GRIP1: variants seen among roughly 807,000 people sequenced by gnomAD.
GRIP1 encodes the protein glutamate receptor-interacting protein 1.
In GRIP1, 45 loss-of-function variants were observed where a neutral mutation model predicts 129.9. The observed-to-expected ratio is 0.35, with a 90% CI of 0.27 to 0.44. GRIP1 has a LOEUF of 0.44. GRIP1 is among the 20% of genes least tolerant of loss of function. The pLI is 1.00. For synonymous variants in GRIP1, 530 were observed against 520.8 expected (o/e 1.02, Z -0.24); for missense variants, 1,196 against 1,396.8 (o/e 0.86, Z 2.29).
At chr12:66,932,648 T>A (rs981681200) in intron 1 of GRIP1, among the ~76,000 whole-genome samples, 1 of 151,888 alleles carries the variant, frequency 6.6e-6, no homozygotes, top group Admixed American at 6.6e-5. Context: ...GGAAAGACTA[T>A]AGATTATCAA....
intron 1 of GRIP1, among the ~76,000 whole-genome samples, chr12:66,814,520 T>C (rs975047111): frequency 1.3e-5 from 2 of 151,794 alleles, no homozygotes; most frequent in Non-Finnish European, 2.9e-5. Flanking sequence ...TTTGTCCCTT[T>C]ATTAATTCAA....
At chr12:66,407,376 C>T (rs1372777618) in intron 15 of GRIP1, 1 of 152,126 alleles carries the variant, frequency 6.6e-6, no homozygotes, top group African/African-American at 2.4e-5. Flanking sequence ...TTATAAGAAC[C>T]AAAAATCAGA....
At chr12:66,808,595 G>A (rs1401513064), upstream of GRIP1, among the ~76,000 whole-genome samples, 1 of 147,472 alleles carries the variant, frequency 6.8e-6, no homozygotes, top group African/African-American at 2.6e-5. Flanking sequence ...CTGTTTTTCT[G>A]TTTTGTTTTG....
At chr12:66,444,537 C>T (rs756222281) in intron 13 of GRIP1, 47 bp downstream of exon 13, 2 of 1,270,202 alleles carry the variant, frequency 1.6e-6, no homozygotes, top group South Asian at 1.2e-5. Flanking sequence ...TGCCACATAA[C>T]CAATATAACT....
Position 66,946,558 on chromosome 12 carries a change from C to CTCAAATTT in GRIP1, c.58+122484_58+122491dup, listed in dbSNP as rs1446722766. ...CTTCATATACTTTAATATAGTTATT[C>CTCAAATTT]TCAAATTTTAGCTAGCATCAGAATG... On this transcript the variant is annotated intron_variant, in intron 1 of 1. Transcript: ENST00000643019. Among the ~76,000 whole-genome samples the CTCAAATTT allele has an allele frequency of 3.6e-4, 55 of 151,802 alleles. 1 individual carries two copies. The South Asian group carries it at 0.011, about 31-fold the overall frequency.
chr12:66,940,865 C>G lies in GRIP1; in HGVS notation c.58+128185G>C, dbSNP rs143206377. Among the ~76,000 whole-genome samples the G allele has an allele frequency of 2.9e-3, 444 of 152,130 alleles. 2 individuals carry two copies. Among genetic ancestry groups the G allele is most frequent in the African/African-American group, 0.01 (417 of 41,520 alleles). ...CTAATAACACCACAGGGTGTGTTTT[C>G]AACAGAAAAATAACCTGCTTTAAAT... On this transcript the variant is annotated intron_variant, in intron 1 of 1. Transcript: ENST00000643019.
intron 1 of GRIP1, among the ~76,000 whole-genome samples, chr12:66,834,908 T>C (rs1244469086): frequency 9.2e-6 from 1 of 108,820 alleles, no homozygotes; most frequent in African/African-American, 3.6e-5. Flanking sequence ...TGACACAGCA[T>C]GACAAGACTC....
Position 66,986,506 on chromosome 12 carries a change from T to G in GRIP1, c.58+82544A>C, listed in dbSNP as rs530844426. 2.0e-5 allele frequency among the ~76,000 whole-genome samples: 3 copies of G among 149,294 alleles called. No individual in the cohort carries two copies. The East Asian group carries it at 5.9e-4, about 29-fold the overall frequency. ...TGGAATACTATGCAGCCATAAAAAATGATGAGTTCATGTCCTTTGTAGGGA... is the reference window on the plus strand; with the variant it reads ...TGGAATACTATGCAGCCATAAAAAAGGATGAGTTCATGTCCTTTGTAGGGA... On this transcript the variant is annotated intron_variant, in intron 1 of 1. Coordinates refer to the GRIP1 transcript ENST00000643019.
chr12:66,375,945 G>A (rs1267412805), intron 22 of GRIP1, among the ~76,000 whole-genome samples: 1 of 152,196 alleles, frequency 6.6e-6, no homozygotes, highest in East Asian at 1.9e-4. Context: ...AATTGTGCTC[G>A]TTACTCAGTT....
At chr12:66,406,452 C>T (rs1207464031) in intron 15 of GRIP1, 24 bp from the exon 16 acceptor site, 1 of 1,611,320 alleles carries the variant, frequency 6.2e-7, no homozygotes, top group Non-Finnish European at 8.5e-7. Context: ...CAAAGTAACA[C>T]ATGACTAATG....
chr12:66,769,821 A>G (rs762445864), intron 1 of GRIP1, among the ~76,000 whole-genome samples: 23 of 152,208 alleles, frequency 1.5e-4, no homozygotes, highest in Admixed American at 1.3e-4. Context: ...ATAACAGAGT[A>G]TTAGGAAAGG....
chr12:66,544,517 C>T (rs2061885975), intron 2 of GRIP1, among the ~76,000 whole-genome samples: 1 of 152,118 alleles, frequency 6.6e-6, no homozygotes, highest in Admixed American at 6.6e-5. Context: ...CCAAATGCAC[C>T]ATCTATTTTA....
At chr12:66,860,033 A>G (rs1370508164) in intron 1 of GRIP1, among the ~76,000 whole-genome samples, 1 of 152,124 alleles carries the variant, frequency 6.6e-6, no homozygotes, top group African/African-American at 2.4e-5. Flanking sequence ...CATCACCTTC[A>G]GTCAGGAAGT....
chr12:66,668,835 T>C (rs542848599), intron 1 of GRIP1, among the ~76,000 whole-genome samples: 1 of 151,636 alleles, frequency 6.6e-6, no homozygotes, highest in Non-Finnish European at 1.5e-5. Flanking sequence ...GTTGGGGGAG[T>C]GGCAGGGAGG....
At chr12:66,561,231 C>T (rs893965729) in intron 2 of GRIP1, among the ~76,000 whole-genome samples, 6 of 151,942 alleles carry the variant, frequency 3.9e-5, no homozygotes, top group African/African-American at 1.5e-4. Flanking sequence ...CTAATGGGTA[C>T]AAAAACATTA....
At chr12:66,674,564 C>T (rs923563025) in intron 1 of GRIP1, among the ~76,000 whole-genome samples, 2 of 152,092 alleles carry the variant, frequency 1.3e-5, no homozygotes, top group Admixed American at 1.3e-4. Context: ...CTGAGTAATC[C>T]ATTAAAAGTT....
intron 2 of GRIP1, among the ~76,000 whole-genome samples, chr12:66,585,134 G>T: frequency 6.7e-6 from 1 of 148,344 alleles, no homozygotes; most frequent in South Asian, 2.2e-4. Flanking sequence ...TAAGTTTTAG[G>T]GTACATGTGC....
At chr12:66,396,731 T>A (rs1289243641) in intron 16 of GRIP1, among the ~76,000 whole-genome samples, 1 of 152,184 alleles carries the variant, frequency 6.6e-6, no homozygotes, top group Non-Finnish European at 1.5e-5. Flanking sequence ...GGAAACAGGA[T>A]GACATGATAT....
At chr12:66,510,403 T>C (rs1211133815) in intron 7 of GRIP1, among the ~76,000 whole-genome samples, 1 of 152,138 alleles carries the variant, frequency 6.6e-6, no homozygotes, top group African/African-American at 2.4e-5. Flanking sequence ...TCATCTAGCC[T>C]TGCAATATAA....
Sources: allele counts gnomAD v4.1 joint callset (sites outside exome capture counted in the v4.1 genomes callset), GRCh38; gene constraint gnomAD v4.1.1; transcripts MANE v1.5; gene names NCBI Gene and HGNC (gene_info 2026-07-23, HGNC 2026-07-21).